The following CFAP99 variants were observed in gnomAD, a reference collection of about 807,000 sequenced individuals.
The protein encoded by CFAP99 is cilia and flagella associated protein 99, also known as cilia- and flagella-associated protein 99.
A neutral mutation model predicts 82.7 loss-of-function variants in CFAP99; 84 were observed. The ratio of observed to expected loss-of-function variants is 1.02; its 90% CI spans 0.85 to 1.22. The LOEUF is 1.22. Ranked by LOEUF, CFAP99 falls within the 50% of genes most tolerant of loss-of-function variation. CFAP99 has a pLI of 0.00. For missense variants in CFAP99, 1,059 were observed against 983.5 expected (o/e 1.08, Z -1.03); for synonymous variants, 456 against 429.5 (o/e 1.06, Z -0.76).
rs114078940 is a variant in CFAP99 at position 2,428,977 on chromosome 4, G to A, written c.111+2391G>A. The stretch of plus-strand genomic sequence containing the variant: ...CCCCAGTTCAGCCGGCAGCCGCTCC[G>A]TCTCCCCTTGCTCCAGTGGGAACCC... On this transcript the variant is annotated intron_variant, in intron 2 of 14. Transcript: ENST00000635017. 1,293 of 152,394 alleles carry A rather than the reference G, an allele frequency of 8.5e-3. 16 individuals carry two copies. Among genetic ancestry groups the A allele is most frequent in the African/African-American group, 0.029 (1,211 of 41,512 alleles). 9.4% of individuals were successfully genotyped at this position (152,394 alleles called of 1,614,324 possible). A position where few individuals can be genotyped will look rare whatever the true frequency, so the allele number is the denominator to read the frequency against.
chr4:2,440,957 T>C (rs1415590996), intron 4 of CFAP99, among the ~76,000 whole-genome samples: 3 of 151,752 alleles, frequency 2.0e-5, no homozygotes, highest in African/African-American at 7.3e-5. Flanking sequence ...ACTCACGAAG[T>C]TGAAGCAGGA....
intron 1 of CFAP99, among the ~76,000 whole-genome samples, chr4:2,420,583 A>T (rs905209215): frequency 2.0e-5 from 3 of 152,164 alleles, no homozygotes; most frequent in African/African-American, 7.2e-5. Context: ...CCTGTGTTTT[A>T]TAGTTTGAAA....
At chr4:2,460,123 G>T in exon 14 of CFAP99, 1 of 1,536,144 alleles carries the variant, frequency 6.5e-7, no homozygotes, top group Non-Finnish European at 8.7e-7. Flanking sequence ...AGCGGCGCAA[G>T]GAGGAAGAAA....
intron 5 of CFAP99, among the ~76,000 whole-genome samples, chr4:2,443,912 G>C (rs1049800135): frequency 6.6e-6 from 1 of 152,128 alleles, no homozygotes; most frequent in African/African-American, 2.4e-5. Context: ...GAGTGCAGCT[G>C]AGGGGCCCCC....
intron 8 of CFAP99, 151 bp downstream of exon 8, chr4:2,450,156 T>G: frequency 3.8e-6 from 3 of 794,138 alleles, no homozygotes; most frequent in East Asian, 2.7e-5. Flanking sequence ...ACTGGGAAAG[T>G]GTGCCTTGAG....
intron 2 of CFAP99, among the ~76,000 whole-genome samples, chr4:2,434,489 A>G (rs1733867513): frequency 6.6e-6 from 1 of 152,228 alleles, no homozygotes; most frequent in South Asian, 2.1e-4. Flanking sequence ...CCCAAAAGCC[A>G]GTCCTGGCGC....
At chr4:2,443,083 G>T (rs1305299273) in intron 4 of CFAP99, 47 bp from the exon 5 acceptor site, 4 of 1,100,994 alleles carry the variant, frequency 3.6e-6, no homozygotes, top group South Asian at 2.7e-5. Flanking sequence ...CCCGGTGAGG[G>T]GTTGGGCCCA....
At chr4:2,461,860 C>A (rs753426346) in intron 14 of CFAP99, among the ~76,000 whole-genome samples, 1 of 152,120 alleles carries the variant, frequency 6.6e-6, no homozygotes, top group Non-Finnish European at 1.5e-5. Context: ...CAGGCCACAG[C>A]ACCACAGCGT....
intron 5 of CFAP99, 126 bp downstream of exon 5, chr4:2,443,368 A>C: frequency 1.5e-6 from 1 of 657,360 alleles, no homozygotes; most frequent in Non-Finnish European, 2.7e-6. Flanking sequence ...GTCAGTAATC[A>C]CTCCGTGTTC....
intron 1 of CFAP99, among the ~76,000 whole-genome samples, chr4:2,426,077 G>A (rs1333285215): frequency 6.6e-6 from 1 of 152,218 alleles, no homozygotes; most frequent in Non-Finnish European, 1.5e-5. Context: ...AGGTGCCTGT[G>A]CTCTCTGCCG....
rs17132558 is a variant in CFAP99 at position 2,438,238 on chromosome 4, G to A, written c.351+74G>A. 64 of 846,096 alleles carry A rather than the reference G, an allele frequency of 7.6e-5. No individual in the cohort carries two copies. In the East Asian group the frequency reaches 1.5e-3, roughly 19 times the overall value. 52.4% of individuals were successfully genotyped at this position (846,096 alleles called of 1,614,324 possible). On this transcript the variant is annotated intron_variant, in intron 4 of 14. Coordinates refer to ENST00000635017, the Ensembl canonical transcript of CFAP99. ...TCCGTCTGATCCTCGCCCACCTTTC[G>A]TCATTCTGGTTGGGTTGTTTTGTTT... is the stretch of plus-strand genomic sequence containing the variant.
Position 2,446,832 on chromosome 4 carries a change from GATGGATGATTGGATTGGTGA to G in CFAP99, c.642+1531_642+1550del, listed in dbSNP as rs1360607782. Among the ~76,000 whole-genome samples, 2 of 151,856 alleles carry G rather than the reference GATGGATGATTGGATTGGTGA, an allele frequency of 1.3e-5. No homozygotes were observed. The highest frequency in any genetic ancestry group is 2.9e-5 in the Non-Finnish European group (2 of 67,932). On this transcript the variant is annotated intron_variant, in intron 6 of 14. Transcript: ENST00000635017. This position sits in a 1 kb window ranked among gnomAD's most constrained non-coding sequence, Gnocchi z 5.0. The stretch of plus-strand genomic sequence containing the variant: ...GGGTGGATGAATGGATGGATGGATG[GATGGATGATTGGATTGGTGA>G]ATGGATAGATGGATGATTGGATGGA...
intron 4 of CFAP99, among the ~76,000 whole-genome samples, chr4:2,439,906 C>T (rs1160815174): frequency 1.3e-5 from 2 of 149,152 alleles, no homozygotes; most frequent in Non-Finnish European, 3.0e-5. Flanking sequence ...TGCAGTGGTG[C>T]AATCTCGGCT....
At chr4:2,459,350 A>G in intron 13 of CFAP99, 92 bp downstream of exon 13, 2 of 1,393,726 alleles carry the variant, frequency 1.4e-6, no homozygotes, top group South Asian at 1.4e-5. Flanking sequence ...CACCAGAGCC[A>G]CAGGTGGGTC....
intron 11 of CFAP99, 56 bp from the exon 12 acceptor site, chr4:2,458,667 C>A: frequency 6.7e-7 from 1 of 1,499,666 alleles, no homozygotes; most frequent in Non-Finnish European, 8.9e-7. Flanking sequence ...GGGGCGGGAC[C>A]AGGCAGGGAA....
intron 6 of CFAP99, among the ~76,000 whole-genome samples, chr4:2,447,012 A>T: frequency 6.6e-6 from 1 of 151,884 alleles, no homozygotes; most frequent in East Asian, 1.9e-4. Flanking sequence ...GAATGAATGG[A>T]TGGATGGGTA....
intron 2 of CFAP99, among the ~76,000 whole-genome samples, chr4:2,433,579 G>C (rs1362646952): frequency 6.6e-6 from 1 of 152,118 alleles, no homozygotes; most frequent in Non-Finnish European, 1.5e-5. Flanking sequence ...CTCACCCACC[G>C]AGCCCCCTCT....
At chr4:2,451,267 G>A in exon 10 of CFAP99, 1 of 1,535,994 alleles carries the variant, frequency 6.5e-7, no homozygotes, top group Non-Finnish European at 8.7e-7. Flanking sequence ...CCCGCAGCCT[G>A]ACAACATCCT....
intron 1 of CFAP99, among the ~76,000 whole-genome samples, chr4:2,424,895 C>G (rs184213283): frequency 6.6e-6 from 1 of 152,182 alleles, no homozygotes; most frequent in Non-Finnish European, 1.5e-5. Context: ...TCCAGAAGAC[C>G]GCATCCTTCA....
Sources: allele counts gnomAD v4.1 joint callset (sites outside exome capture counted in the v4.1 genomes callset), GRCh38; gene constraint gnomAD v4.1.1; non-coding constraint Gnocchi (gnomAD v3.1); transcripts MANE v1.5; gene names NCBI Gene and HGNC (gene_info 2026-07-23, HGNC 2026-07-21).